EYS: variants seen among roughly 807,000 people sequenced by gnomAD.
The protein encoded by EYS is protein eyes shut homolog.
In EYS, 250 loss-of-function variants were observed where a neutral mutation model predicts 282.1. The ratio of observed to expected loss-of-function variants is 0.89; its 90% CI spans 0.80 to 0.98. The LOEUF (loss-of-function observed/expected upper bound fraction) is 0.98, where lower values mean the gene tolerates loss of function less well. EYS is among the 50% of genes least tolerant of loss of function. The pLI, the probability that EYS is intolerant of heterozygous loss-of-function variation, is 0.00. For synonymous variants in EYS, 1,355 were observed against 1,282.9 expected (o/e 1.06, Z -1.20); for missense variants, 4,016 against 3,709.0 (o/e 1.08, Z -2.15).
intron 21 of EYS, among the ~76,000 whole-genome samples, chr6:64,818,297 T>C (rs772038784): frequency 6.6e-6 from 1 of 152,164 alleles, no homozygotes; most frequent in East Asian, 1.9e-4. Flanking sequence ...TCCCCAGGCA[T>C]GCATTTGCTC....
At chr6:64,045,869 G>A (rs1461860727) in intron 33 of EYS, among the ~76,000 whole-genome samples, 1 of 138,012 alleles carries the variant, frequency 7.2e-6, no homozygotes, top group African/African-American at 2.5e-5. Context: ...ATACACATAT[G>A]TACCATACAT....
chr6:65,380,328 G>A (rs1582215158), intron 8 of EYS, among the ~76,000 whole-genome samples: 1 of 151,868 alleles, frequency 6.6e-6, no homozygotes, highest in Admixed American at 6.6e-5. Context: ...ACATCTACAA[G>A]CATCTGAGCT....
At chr6:64,368,304 A>G (rs2150412143) in intron 29 of EYS, among the ~76,000 whole-genome samples, 1 of 152,190 alleles carries the variant, frequency 6.6e-6, no homozygotes, top group East Asian at 1.9e-4. Context: ...TTCGTGGTGT[A>G]TATGTACCAC....
At chr6:65,313,719 A>G (rs1308830722) in intron 11 of EYS, among the ~76,000 whole-genome samples, 1 of 152,112 alleles carries the variant, frequency 6.6e-6, no homozygotes, top group African/African-American at 2.4e-5. Flanking sequence ...GGCCCAGGCC[A>G]CCCCATCTCC....
intron 26 of EYS, among the ~76,000 whole-genome samples, chr6:64,535,013 G>C (rs147726968): frequency 1.4e-4 from 21 of 151,994 alleles, no homozygotes; most frequent in African/African-American, 4.8e-4. Flanking sequence ...CTTCCTCTTT[G>C]GTCTTGCCTG....
At position 64,066,478 on chromosome 6, in the gene EYS, A is replaced by G. The variant is rs1436915469; in HGVS notation, c.6585T>C (p.Asn2195=). The part of the protein sequence containing the change: ...NGTILYSNGN[N]CGKQFLHLFL... Reference sequence around the variant, plus strand: ...ATAAATGAAGAAACTGCTTTCCACAATTATTCCCATTACCTTTAAGAAAAA... The same window carrying G: ...ATAAATGAAGAAACTGCTTTCCACAGTTATTCCCATTACCTTTAAGAAAAA... The change falls in exon 33 of 43, where the codon AAT becomes AAC. Residue 2195 remains asparagine, a synonymous_variant. Coordinates refer to ENST00000503581, the MANE Select transcript of EYS (RefSeq NM_001142800.2). The G allele has an allele frequency of 1.2e-5, 19 of 1,534,432 alleles. No individual in the cohort carries two copies. Among genetic ancestry groups the G allele is most frequent in the Non-Finnish European group, 1.7e-5 (19 of 1,132,594 alleles).
rs138692590 is a variant in EYS at position 65,200,124 on chromosome 6, T to C, written c.2023+95739A>G. 8.0e-3 allele frequency among the ~76,000 whole-genome samples: 1,216 copies of C among 152,258 alleles called. 9 individuals carry two copies. Among genetic ancestry groups the C allele is most frequent in the Middle Eastern group, 0.014 (4 of 294 alleles). On this transcript the variant is annotated intron_variant, in intron 12 of 42. Coordinates refer to ENST00000503581, the MANE Select transcript of EYS (RefSeq NM_001142800.2). ...GTGAGAAAGATCAAAACTAGAGTTA[T>C]TACAACTTCCTAAGTGAATGTTTTG... is the stretch of plus-strand genomic sequence containing the variant.
chr6:64,571,941 C>G (rs952456440), intron 26 of EYS, among the ~76,000 whole-genome samples: 1 of 152,096 alleles, frequency 6.6e-6, no homozygotes, highest in Non-Finnish European at 1.5e-5. Flanking sequence ...CCAGCATCAT[C>G]CTGATATCAA....
intron 26 of EYS, among the ~76,000 whole-genome samples, chr6:64,449,393 A>G (rs1028721465): frequency 5.9e-5 from 9 of 152,352 alleles, no homozygotes; most frequent in African/African-American, 2.2e-4. Flanking sequence ...GTGTACCTGA[A>G]AGTGACGAGG....
intron 22 of EYS, among the ~76,000 whole-genome samples, chr6:64,772,662 A>T (rs1295227719): frequency 6.6e-6 from 1 of 151,718 alleles, no homozygotes; most frequent in African/African-American, 2.4e-5. Flanking sequence ...TGCCTCCTCC[A>T]CTACCCTTCC....
chr6:64,806,247 T>G (rs1764420037), intron 22 of EYS, among the ~76,000 whole-genome samples: 1 of 151,912 alleles, frequency 6.6e-6, no homozygotes, highest in African/African-American at 2.4e-5. Flanking sequence ...TAAAACTAAT[T>G]AACTTAAAGC....
chr6:63,812,223 C>T (rs1372090837), intron 36 of EYS, among the ~76,000 whole-genome samples: 1 of 152,186 alleles, frequency 6.6e-6, no homozygotes, highest in African/African-American at 2.4e-5. Flanking sequence ...ATGCTAACTT[C>T]TTCGTGTTTC....
chr6:63,965,005 T>C (rs143327972), intron 35 of EYS, among the ~76,000 whole-genome samples: 2,351 of 152,326 alleles, frequency 0.015, 61 homozygotes, highest in African/African-American at 0.053. Flanking sequence ...CCTATTGCAG[T>C]AAACCAGTTT....
intron 26 of EYS, among the ~76,000 whole-genome samples, chr6:64,512,015 T>C (rs1777425194): frequency 6.6e-6 from 1 of 152,106 alleles, no homozygotes; most frequent in Non-Finnish European, 1.5e-5. Context: ...TACCTTGTCC[T>C]TTCTGAAACC....
intron 19 of EYS, among the ~76,000 whole-genome samples, chr6:64,874,622 T>A (rs1206033714): frequency 1.3e-5 from 2 of 152,158 alleles, no homozygotes; most frequent in South Asian, 2.1e-4. Flanking sequence ...GGACATGAAA[T>A]CAGAGAATAA....
chr6:63,879,092 C>A (rs1773059959), intron 35 of EYS, among the ~76,000 whole-genome samples: 1 of 152,096 alleles, frequency 6.6e-6, no homozygotes, highest in Non-Finnish European at 1.5e-5. Context: ...CATCTGGGAA[C>A]CTCCCCCTAT....
chr6:65,521,028 G>T (rs1767348501), intron 2 of EYS, among the ~76,000 whole-genome samples: 1 of 152,082 alleles, frequency 6.6e-6, no homozygotes. Flanking sequence ...CTGTTTGCAA[G>T]GTTGACACCA....
At chr6:64,284,355 G>T (rs1356491013) in intron 30 of EYS, among the ~76,000 whole-genome samples, 1 of 152,160 alleles carries the variant, frequency 6.6e-6, no homozygotes, top group Non-Finnish European at 1.5e-5. Context: ...TTGACTCCAG[G>T]TCTCACATCC....
rs745916400 is a variant in EYS at position 65,495,397 on chromosome 6, G to A, written c.14C>T (p.Ser5Leu). Residue 5 changes from serine (S) to leucine (L), a missense_variant, in exon 4 of 43, where the codon TCA (serine) becomes TTA (leucine). Physicochemically the swap from Ser to Leu is moderately radical, Grantham distance 145. Transcript: ENST00000503581. The stretch of plus-strand genomic sequence containing the variant: ...AACCATCAGGCTCAGAATGACGATT[G>A]ATTTGTCAGTCATTTTCGGGTAGCT... MTDKSIVILSLMVFH... is the reference protein window; with the variant it reads MTDKLIVILSLMVFH... The A allele has an allele frequency of 6.2e-7, 1 of 1,610,972 alleles. No homozygotes were observed. Among genetic ancestry groups the A allele is most frequent in the South Asian group, 1.1e-5 (1 of 91,080 alleles).
Sources: gnomAD v4.1 joint callset for allele counts (sites outside exome capture counted in the v4.1 genomes callset) on GRCh38, gnomAD v4.1.1 for gene constraint, MANE v1.5 for transcripts, NCBI Gene and HGNC (gene_info 2026-07-23, HGNC 2026-07-21) for gene names.